The following PCDH11X variants were observed in gnomAD, a reference collection of about 807,000 sequenced individuals.
PCDH11X encodes the protein protocadherin 11 X-linked, also known as protocadherin-11 X-linked.
Under a neutral mutation model 53.3 loss-of-function variants are expected in PCDH11X, and 18 were observed. The observed-to-expected ratio is 0.34, with a 90% CI of 0.23 to 0.50. The LOEUF is 0.50. Ranked by LOEUF, PCDH11X falls within the 20% of genes least tolerant of loss-of-function variation. PCDH11X has a pLI of 0.98. For synonymous variants in PCDH11X, 279 were observed against 393.3 expected, an observed-to-expected ratio of 0.71 and a Z score of 3.44; for missense variants, 570 against 1,032.4, an observed-to-expected ratio of 0.55 and a Z score of 6.14.
intron 6 of PCDH11X, among the ~76,000 whole-genome samples, chrX:92,166,729 T>C (rs1235980016): frequency 9.2e-6 from 1 of 109,055 alleles, no homozygotes; most frequent in Non-Finnish European, 1.9e-5. Context: ...AAGACATTGT[T>C]TCTACAAAAA....
chrX:92,202,617 G>A (rs899962154), intron 7 of PCDH11X, among the ~76,000 whole-genome samples: 2 of 111,909 alleles, frequency 1.8e-5, no homozygotes, highest in Admixed American at 9.5e-5. Context: ...AAGTTATAAG[G>A]TGTATTTGTA....
intron 6 of PCDH11X, among the ~76,000 whole-genome samples, chrX:91,881,443 G>A (rs1356417551): frequency 9.0e-6 from 1 of 111,053 alleles, no homozygotes; most frequent in Admixed American, 9.6e-5. Flanking sequence ...TTATTTCACA[G>A]CTTAAAAAGT....
At chrX:92,156,753 T>A (rs2065543596) in intron 6 of PCDH11X, among the ~76,000 whole-genome samples, 1 of 111,809 alleles carries the variant, frequency 8.9e-6, no homozygotes, top group Non-Finnish European at 1.9e-5. Context: ...CTTGCATAGT[T>A]TAATTTGATA....
At chrX:92,541,682 C>A (rs1331195019) in intron 10 of PCDH11X, among the ~76,000 whole-genome samples, 15 of 51,848 alleles carry the variant, frequency 2.9e-4, no homozygotes, top group Non-Finnish European at 5.1e-4. Context: ...ACAAGAAGTT[C>A]TTTAAAAAAA....
At chrX:91,841,540 T>C (rs1269578349) in intron 5 of PCDH11X, among the ~76,000 whole-genome samples, 1 of 111,376 alleles carries the variant, frequency 9.0e-6, no homozygotes, top group African/African-American at 3.3e-5. Context: ...GTCCACTGTA[T>C]CTAAATAAAA....
At chrX:92,396,013 C>T (rs1407912886) in intron 9 of PCDH11X, among the ~76,000 whole-genome samples, 5 of 107,274 alleles carry the variant, frequency 4.7e-5, no homozygotes, top group African/African-American at 1.7e-4. Flanking sequence ...TACAGACTGC[C>T]GATTTCTAAA....
intron 7 of PCDH11X, among the ~76,000 whole-genome samples, chrX:92,218,145 G>T (rs989237046): frequency 9.0e-6 from 1 of 111,091 alleles, no homozygotes; most frequent in Non-Finnish European, 1.9e-5. Context: ...AACTGGAAAA[G>T]CAAGAGCAAA....
chrX:92,614,153 T>A (rs776196639), intron 10 of PCDH11X, among the ~76,000 whole-genome samples: 1 of 110,421 alleles, frequency 9.1e-6, no homozygotes, highest in Non-Finnish European at 1.9e-5. Flanking sequence ...ACATTTTGGT[T>A]AAGGACCATT....
At chrX:91,899,564 T>G (rs774027576) in intron 6 of PCDH11X, among the ~76,000 whole-genome samples, 1 of 101,792 alleles carries the variant, frequency 9.8e-6, no homozygotes, top group African/African-American at 3.6e-5. Context: ...TGAACCCATA[T>G]ACATCTCCTG....
chrX:92,033,510 G>A (rs1315934894), intron 6 of PCDH11X, among the ~76,000 whole-genome samples: 1 of 109,839 alleles, frequency 9.1e-6, no homozygotes, highest in African/African-American at 3.3e-5. Flanking sequence ...TTTCTTCTAG[G>A]TTTTCCAATT....
chrX:92,568,653 A>T (rs865904128), intron 10 of PCDH11X, among the ~76,000 whole-genome samples: 2 of 110,104 alleles, frequency 1.8e-5, no homozygotes, highest in African/African-American at 6.6e-5. Context: ...CTATATTTAA[A>T]TATCCAGAAT....
At chrX:92,554,938 G>A (rs2148755266) in intron 10 of PCDH11X, among the ~76,000 whole-genome samples, 1 of 111,256 alleles carries the variant, frequency 9.0e-6, no homozygotes, top group South Asian at 3.8e-4. Flanking sequence ...TGTTTCCTTA[G>A]CCCTCCAAAG....
At chrX:92,519,176 T>G (rs1243456739) in intron 10 of PCDH11X, among the ~76,000 whole-genome samples, 2 of 110,298 alleles carry the variant, frequency 1.8e-5, no homozygotes, top group South Asian at 7.8e-4. Context: ...GCCTAGTGCT[T>G]AATACAATGT....
At chrX:92,426,457 C>T (rs1459364939) in intron 9 of PCDH11X, among the ~76,000 whole-genome samples, 1 of 109,984 alleles carries the variant, frequency 9.1e-6, no homozygotes, top group Non-Finnish European at 1.9e-5. Flanking sequence ...AACAATTTGT[C>T]CTGCATTATT....
chrX:92,143,933 C>T (rs1236770808), intron 6 of PCDH11X, among the ~76,000 whole-genome samples: 1 of 111,642 alleles, frequency 9.0e-6, no homozygotes, highest in African/African-American at 3.3e-5. Flanking sequence ...TGGGAACCCA[C>T]CTCTTGCATC....
chrX:92,608,606 A>G (rs1172940614), intron 10 of PCDH11X, among the ~76,000 whole-genome samples: 1 of 110,140 alleles, frequency 9.1e-6, no homozygotes, highest in Admixed American at 9.7e-5. Context: ...CAGTGAGTCC[A>G]CAAAGAAGCA....
intron 9 of PCDH11X, among the ~76,000 whole-genome samples, chrX:92,421,981 A>G (rs2071977633): frequency 9.1e-6 from 1 of 109,908 alleles, no homozygotes; most frequent in Admixed American, 9.7e-5. Context: ...TGTTTATTTT[A>G]GATATTGAAT....
chrX:92,067,491 T>A (rs1463839911), intron 6 of PCDH11X, among the ~76,000 whole-genome samples: 1 of 111,670 alleles, frequency 9.0e-6, no homozygotes, highest in Non-Finnish European at 1.9e-5. Context: ...CATCTTTGCA[T>A]CCTTGTGATA....
At chrX:92,249,526 T>C in intron 7 of PCDH11X, among the ~76,000 whole-genome samples, 1 of 112,713 alleles carries the variant, frequency 8.9e-6, no homozygotes, top group African/African-American at 3.2e-5. Flanking sequence ...ATTGCTTTTG[T>C]TACTAACATA....
Sources: allele counts gnomAD v4.1 joint callset (sites outside exome capture counted in the v4.1 genomes callset), GRCh38; gene constraint gnomAD v4.1.1; transcripts MANE v1.5; gene names NCBI Gene and HGNC (gene_info 2026-07-23, HGNC 2026-07-21).